Variants in VIPR2 observed in about 807,000 individuals in gnomAD.
VIPR2 encodes the protein vasoactive intestinal polypeptide receptor 2.
Under a neutral mutation model 58.0 loss-of-function variants are expected in VIPR2, and 48 were observed. The ratio of observed to expected loss-of-function variants is 0.83; its 90% CI spans 0.66 to 1.05. The LOEUF (loss-of-function observed/expected upper bound fraction) is 1.05, where lower values mean the gene tolerates loss of function less well. Ranked by LOEUF, VIPR2 falls within the 50% of genes least tolerant of loss-of-function variation. The pLI is 0.00. For missense variants in VIPR2, 534 were observed against 558.0 expected (o/e 0.96, Z 0.43); for synonymous variants, 243 against 235.2 (o/e 1.03, Z -0.30).
At chr7:159,033,244 C>T (rs914143738) in intron 10 of VIPR2, among the ~76,000 whole-genome samples, 2 of 152,186 alleles carry the variant, frequency 1.3e-5, no homozygotes, top group Non-Finnish European at 2.9e-5. Context: ...GGCTGTTGGC[C>T]ATGCTCCTGT....
Position 159,110,051 on chromosome 7 carries a change from G to A in VIPR2, c.152-132C>T, listed in dbSNP as rs1563336816. On this transcript the variant is annotated intron_variant, in intron 2 of 12. Coordinates refer to ENST00000262178, the MANE Select transcript of VIPR2 (RefSeq NM_003382.5). ...ACACTTGCACCAACACAATTATTGA[G>A]ACTATAGTTAGCTTGTGGGTTCATC... 2.1e-5 allele frequency: 16 copies of A among 772,206 alleles called. No homozygotes were observed. In the East Asian group the frequency reaches 3.2e-4, roughly 16 times the overall value. 47.8% of individuals were successfully genotyped at this position (772,206 alleles called of 1,614,324 possible).
chr7:159,138,516 A>G (rs1329792074), intron 2 of VIPR2, among the ~76,000 whole-genome samples: 2 of 152,264 alleles, frequency 1.3e-5, no homozygotes, highest in Non-Finnish European at 2.9e-5. Context: ...CGGCTACCTA[A>G]AAGTCCATGG....
intron 1 of VIPR2, 170 bp downstream of exon 1, chr7:159,144,551 C>G: frequency 6.7e-7 from 1 of 1,481,518 alleles, no homozygotes; most frequent in Non-Finnish European, 9.0e-7. Context: ...CAGCGCTTCA[C>G]GCTCTCCGGG....
intron 5 of VIPR2, among the ~76,000 whole-genome samples, chr7:159,051,596 A>T (rs1855010567): frequency 6.6e-6 from 1 of 152,222 alleles, no homozygotes; most frequent in Non-Finnish European, 1.5e-5. Context: ...AAAAATAAAG[A>T]TTGTAGACAA....
At chr7:159,104,527 ACCCTCCCTCCTCCCAGCAATG>A (rs1191813520) in intron 3 of VIPR2, among the ~76,000 whole-genome samples, 12 of 95,544 alleles carry the variant, frequency 1.3e-4, no homozygotes, top group Admixed American at 2.2e-4. Context: ...TCCTGGCAGC[ACCCTCCCTCCTCCCAGCAATG>A]CCCTCCCTCC....
chr7:159,110,312 A>G lies in VIPR2; in HGVS notation c.152-393T>C, dbSNP rs1050147119. Among the ~76,000 whole-genome samples, 4 of 152,226 alleles carry G rather than the reference A, an allele frequency of 2.6e-5. No individual in the cohort carries two copies. The East Asian group carries it at 7.7e-4, about 29-fold the overall frequency. The stretch of plus-strand genomic sequence containing the variant: ...AATCTGACTTCAATGATTATTTGCA[A>G]ATAAAAGTATTTGATAATATTTGTT... On this transcript the variant is annotated intron_variant, in intron 2 of 12. Coordinates refer to ENST00000262178, the MANE Select transcript of VIPR2 (RefSeq NM_003382.5).
chr7:159,035,662 A>G, intron 8 of VIPR2: 1 of 983,258 alleles, frequency 1.0e-6, no homozygotes, highest in Non-Finnish European at 1.2e-6. Context: ...TTCTGTGGAC[A>G]TCGCTGTGCC....
chr7:159,141,302 A>G (rs1014693110), intron 2 of VIPR2, among the ~76,000 whole-genome samples: 1 of 152,286 alleles, frequency 6.6e-6, no homozygotes, highest in Non-Finnish European at 1.5e-5. Flanking sequence ...ATGGGCCAGA[A>G]CCATGCGTGC....
At chr7:159,034,797 T>TTTACGATCA in intron 8 of VIPR2, 147 bp from the exon 9 acceptor site, 1 of 682,006 alleles carries the variant, frequency 1.5e-6, no homozygotes, top group Non-Finnish European at 2.7e-6. Context: ...TAAAGGAATC[T>TTTACGATCA]GTCCCAGGGA....
At chr7:159,043,396 TAGATG>T in intron 5 of VIPR2, among the ~76,000 whole-genome samples, 1 of 152,258 alleles carries the variant, frequency 6.6e-6, no homozygotes, top group South Asian at 2.1e-4. Flanking sequence ...GATAATAAAG[TAGATG>T]AGATGAAGAA....
chr7:159,112,354 C>T (rs1796048549), intron 2 of VIPR2, among the ~76,000 whole-genome samples: 1 of 152,192 alleles, frequency 6.6e-6, no homozygotes, highest in Non-Finnish European at 1.5e-5. Context: ...GAAGTGCAGC[C>T]GAAGGCGCAG....
At chr7:159,108,945 G>A (rs945579941) in intron 3 of VIPR2, among the ~76,000 whole-genome samples, 4 of 152,176 alleles carry the variant, frequency 2.6e-5, no homozygotes, top group African/African-American at 9.7e-5. Flanking sequence ...CTGCTTTGCT[G>A]GCAACTCGGG....
intron 2 of VIPR2, among the ~76,000 whole-genome samples, chr7:159,139,522 ACCT>A (rs1180041061): frequency 6.6e-6 from 1 of 152,172 alleles, no homozygotes. Context: ...GTGGGGAATG[ACCT>A]CAAACCCTCC....
rs1033210979 is a variant in VIPR2 at position 159,098,576 on chromosome 7, G to A, written c.357+5181C>T. Among the ~76,000 whole-genome samples the A allele has an allele frequency of 3.3e-5, 5 of 151,606 alleles. No individual in the cohort carries two copies. The highest frequency in any genetic ancestry group is 1.3e-4 in the Admixed American group (2 of 15,250). On this transcript the variant is annotated intron_variant, in intron 4 of 12. Transcript: ENST00000262178. The surrounding 1 kb of genome is among the most constrained non-coding windows in gnomAD (Gnocchi z 5.2). The stretch of plus-strand genomic sequence containing the variant: ...CCCAGACCATGGCCACGGCTGGTGC[G>A]GCCCCTTGGGCTCCAGGTCCAGATG...
At chr7:159,084,398 G>A (rs550571756) in intron 4 of VIPR2, among the ~76,000 whole-genome samples, 49 of 152,350 alleles carry the variant, frequency 3.2e-4, no homozygotes, top group African/African-American at 1.1e-3. Flanking sequence ...GACAGGAACA[G>A]CGTGAGGCAG....
chr7:159,030,585 CTCCCGCCGCG>C lies in VIPR2; in HGVS notation c.*21_*30del. The C allele has an allele frequency of 6.7e-7, 1 of 1,503,534 alleles. No homozygotes were observed. Among genetic ancestry groups the C allele is most frequent in the African/African-American group, 1.4e-5 (1 of 71,836 alleles). The allele number at this position is 1,503,534 out of a possible 1,614,324, so 93.1% of individuals were successfully genotyped here. A position where few individuals can be genotyped will look rare whatever the true frequency, so the allele number is the denominator to read the frequency against. On this transcript the variant is annotated 3_prime_UTR_variant, in exon 13 of 13. Transcript: ENST00000262178. ...CCCGCAGAAGCCCCGAACCGTGGGCCTCCCGCCGCGTCCGACAGGCAGGGGTGGGGCTAGA... is the reference window on the plus strand; with the variant it reads ...CCCGCAGAAGCCCCGAACCGTGGGCCTCCGACAGGCAGGGGTGGGGCTAGA...
intron 5 of VIPR2, among the ~76,000 whole-genome samples, chr7:159,053,194 C>A (rs536222042): frequency 6.6e-6 from 1 of 152,120 alleles, no homozygotes; most frequent in Admixed American, 6.5e-5. Flanking sequence ...TCAAGCAATC[C>A]TCCTGCCTTG....
In VIPR2 at chr7:159,095,780, G is replaced by C. The variant is rs534160701; in HGVS notation, c.357+7977C>G. On this transcript the variant is annotated intron_variant, in intron 4 of 12. Coordinates refer to ENST00000262178, the MANE Select transcript of VIPR2 (RefSeq NM_003382.5). The surrounding 1 kb of genome is among the most constrained non-coding windows in gnomAD (Gnocchi z 5.2). ...ATGACAGTTGGTGCCGACCTGACAG[G>C]CAGTAGGTGAATCCCTTCAAAACTC... 2.0e-5 allele frequency among the ~76,000 whole-genome samples: 3 copies of C among 152,004 alleles called. No homozygotes were observed. The highest frequency in any genetic ancestry group is 7.2e-5 in the African/African-American group (3 of 41,428).
chr7:159,130,448 G>C (rs537448375), intron 2 of VIPR2, among the ~76,000 whole-genome samples: 2 of 53,632 alleles, frequency 3.7e-5, no homozygotes, highest in African/African-American at 1.0e-4. Context: ...TTGGCCTTTT[G>C]AGATATCTTT....
Sources: allele counts gnomAD v4.1 joint callset (sites outside exome capture counted in the v4.1 genomes callset), GRCh38; gene constraint gnomAD v4.1.1; non-coding constraint Gnocchi (gnomAD v3.1); transcripts MANE v1.5; gene names NCBI Gene and HGNC (gene_info 2026-07-23, HGNC 2026-07-21).